CSMD1: variants seen among roughly 807,000 people sequenced by gnomAD.
CSMD1 encodes the protein CUB and Sushi multiple domains 1.
CSMD1 carries 213 observed loss-of-function variants against 417.5 expected under a neutral mutation model. The observed-to-expected ratio is 0.51, with a 90% CI of 0.46 to 0.57. CSMD1 has a LOEUF of 0.57. CSMD1 is among the 20% of genes least tolerant of loss of function. The pLI, the probability that CSMD1 is intolerant of heterozygous loss-of-function variation, is 0.00. For synonymous variants in CSMD1, 2,862 were observed against 1,736.8 expected (o/e 1.65, Z -16.11); for missense variants, 6,923 against 4,529.7 (o/e 1.53, Z -15.17).
chr8:4,138,137 A>T (rs112582673), intron 3 of CSMD1, among the ~76,000 whole-genome samples: 6,801 of 77,150 alleles, frequency 0.088, 2,073 homozygotes, highest in Non-Finnish European at 0.15. Context: ...GGATGGTCTC[A>T]ATCTCCTGAC....
chr8:4,105,580 G>C (rs28639388), intron 3 of CSMD1, among the ~76,000 whole-genome samples: 18 of 152,098 alleles, frequency 1.2e-4, no homozygotes, highest in African/African-American at 3.9e-4. Context: ...CATTGTCTAT[G>C]AGTAGGTGAT....
At chr8:4,551,709 A>T (rs925181906) in intron 2 of CSMD1, among the ~76,000 whole-genome samples, 4 of 151,988 alleles carry the variant, frequency 2.6e-5, no homozygotes, top group Non-Finnish European at 5.9e-5. Context: ...GTCTTGCTCT[A>T]TCTCCCAGGC....
chr8:3,619,185 G>C (rs1390098162), intron 7 of CSMD1, among the ~76,000 whole-genome samples: 6 of 151,834 alleles, frequency 4.0e-5, no homozygotes, highest in African/African-American at 1.5e-4. Flanking sequence ...AAGCAGCTGG[G>C]GAAAAAAATA....
intron 26 of CSMD1, among the ~76,000 whole-genome samples, chr8:3,265,064 A>G (rs1313907321): frequency 6.6e-6 from 1 of 152,202 alleles, no homozygotes; most frequent in Non-Finnish European, 1.5e-5. Context: ...TCAGAAGGCA[A>G]TTCAACACAA....
intron 1 of CSMD1, among the ~76,000 whole-genome samples, chr8:4,680,502 G>T (rs1018979973): frequency 2.6e-5 from 4 of 152,154 alleles, no homozygotes; most frequent in African/African-American, 9.7e-5. Context: ...TTAAATTATA[G>T]AGAGGGAGGA....
In CSMD1 at chr8:4,117,994, T is replaced by G. The variant is rs4496982; in HGVS notation, c.416-85895A>C. Among the ~76,000 whole-genome samples, 75 of 149,444 alleles carry G rather than the reference T, an allele frequency of 5.0e-4. 1 individual carries two copies. The South Asian group carries it at 0.016, about 31-fold the overall frequency. On this transcript the variant is annotated intron_variant, in intron 3 of 69. Coordinates refer to ENST00000635120, the MANE Select transcript of CSMD1 (RefSeq NM_033225.6). Reference sequence around the variant, plus strand: ...TGTACAAAGGACAAGAGCAGGCACATGAGAAATGACATAGGTAAAAAAAAG... The same window carrying G: ...TGTACAAAGGACAAGAGCAGGCACAGGAGAAATGACATAGGTAAAAAAAAG...
chr8:4,105,692 C>G (rs1019212896), intron 3 of CSMD1, among the ~76,000 whole-genome samples: 2 of 152,178 alleles, frequency 1.3e-5, no homozygotes, highest in Non-Finnish European at 2.9e-5. Context: ...GTCATATTAG[C>G]CTAGGCTGGG....
chr8:3,148,042 C>G (rs1818948205), intron 40 of CSMD1, among the ~76,000 whole-genome samples: 1 of 152,136 alleles, frequency 6.6e-6, no homozygotes, highest in Non-Finnish European at 1.5e-5. Flanking sequence ...ACCTGTCTAC[C>G]TTCTCAATCT....
At chr8:3,750,813 G>C (rs557465348) in intron 6 of CSMD1, among the ~76,000 whole-genome samples, 34 of 152,278 alleles carry the variant, frequency 2.2e-4, no homozygotes, top group Non-Finnish European at 4.4e-4. Context: ...TCTGTCTCCA[G>C]CTGTCCTTAG....
intron 12 of CSMD1, among the ~76,000 whole-genome samples, chr8:3,451,241 A>T (rs1464884272): frequency 6.6e-6 from 1 of 152,202 alleles, no homozygotes; most frequent in African/African-American, 2.4e-5. Context: ...GTACATTGCA[A>T]AACATTTCTG....
At chr8:3,206,993 G>T (rs1278615311) in intron 30 of CSMD1, among the ~76,000 whole-genome samples, 2 of 152,020 alleles carry the variant, frequency 1.3e-5, no homozygotes, top group African/African-American at 4.8e-5. Flanking sequence ...ACAGCCTGTT[G>T]CACCCTTACC....
chr8:4,420,338 G>A (rs927837526), intron 2 of CSMD1, among the ~76,000 whole-genome samples: 2 of 151,504 alleles, frequency 1.3e-5, no homozygotes, highest in Non-Finnish European at 2.9e-5. Flanking sequence ...AATGCTCCTC[G>A]TTTTTGGATG....
intron 3 of CSMD1, among the ~76,000 whole-genome samples, chr8:4,147,745 C>A (rs1159389007): frequency 6.6e-6 from 1 of 152,080 alleles, no homozygotes; most frequent in Non-Finnish European, 1.5e-5. Context: ...AGGTTAACAA[C>A]CCCCGGCAAG....
chr8:3,703,249 A>G (rs1041391689), intron 7 of CSMD1, among the ~76,000 whole-genome samples: 3 of 152,110 alleles, frequency 2.0e-5, no homozygotes, highest in African/African-American at 4.8e-5. Flanking sequence ...GCGCTGCCCT[A>G]TGTGGTTAGG....
chr8:3,679,852 A>C (rs543325399), intron 7 of CSMD1, among the ~76,000 whole-genome samples: 1 of 152,218 alleles, frequency 6.6e-6, no homozygotes, highest in Non-Finnish European at 1.5e-5. Flanking sequence ...ACCACAGTGC[A>C]ATCAAACAAG....
intron 6 of CSMD1, among the ~76,000 whole-genome samples, chr8:3,736,146 C>T (rs1443367585): frequency 6.6e-6 from 1 of 152,144 alleles, no homozygotes; most frequent in African/African-American, 2.4e-5. Context: ...ACTCATAAAA[C>T]CCTGTAATCG....
chr8:4,797,979 T>C (rs1798070423), intron 1 of CSMD1, among the ~76,000 whole-genome samples: 1 of 152,342 alleles, frequency 6.6e-6, no homozygotes, highest in South Asian at 2.1e-4. Context: ...CAAATGCATC[T>C]ATGCAAAATT....
chr8:3,708,530 T>C (rs76274980), intron 6 of CSMD1, 39 bp from the exon 7 acceptor site: 89,863 of 1,566,996 alleles, frequency 0.057, 2,944 homozygotes, highest in South Asian at 0.076. Flanking sequence ...AGGTAAGACT[T>C]GGAGATCATA....
At chr8:4,008,859 C>G (rs1026130522) in intron 4 of CSMD1, among the ~76,000 whole-genome samples, 3 of 152,112 alleles carry the variant, frequency 2.0e-5, no homozygotes, top group Admixed American at 2.0e-4. Context: ...ATCCGTCCGC[C>G]TCGGCCTCCC....
Sources: gnomAD v4.1 joint callset for allele counts (sites outside exome capture counted in the v4.1 genomes callset) on GRCh38, gnomAD v4.1.1 for gene constraint, MANE v1.5 for transcripts, NCBI Gene and HGNC (gene_info 2026-07-23, HGNC 2026-07-21) for gene names.